Variants in DMD observed in about 807,000 individuals in gnomAD.
DMD encodes the protein dystrophin.
Under a neutral mutation model 330.1 loss-of-function variants are expected in DMD, and 63 were observed. The observed-to-expected ratio is 0.19, with a 90% confidence interval of 0.16 to 0.24. The LOEUF (loss-of-function observed/expected upper bound fraction) is 0.24, where lower values mean the gene tolerates loss of function less well. DMD is among the 10% of genes least tolerant of loss of function. DMD has a pLI of 1.00. For synonymous variants in DMD, 1,223 were observed against 959.8 expected (o/e 1.27, Z -5.07); for missense variants, 3,344 against 2,684.1 (o/e 1.25, Z -5.43).
At chrX:32,582,502 GA>G (rs2149192332) in intron 13 of DMD, among the ~76,000 whole-genome samples, 1 of 111,635 alleles carries the variant, frequency 9.0e-6, no homozygotes, top group South Asian at 3.7e-4. Flanking sequence ...CTAACTAAAT[GA>G]AAGGATTGAA....
At chrX:31,658,283 T>C (rs1470651853) in intron 53 of DMD, 139 bp from the exon 54 acceptor site, 2 of 693,194 alleles carry the variant, frequency 2.9e-6, no homozygotes, top group Non-Finnish European at 2.2e-6. Flanking sequence ...TAACCTACCA[T>C]ATGATTTAGT....
intron 30 of DMD, among the ~76,000 whole-genome samples, chrX:32,400,504 T>A (rs1383260535): frequency 9.0e-6 from 1 of 111,489 alleles, no homozygotes; most frequent in Non-Finnish European, 1.9e-5. Context: ...CCTCTTTTTC[T>A]ATGGATTGGA....
intron 37 of DMD, among the ~76,000 whole-genome samples, chrX:32,351,282 A>G (rs1193293513): frequency 9.0e-6 from 1 of 110,751 alleles, no homozygotes; most frequent in African/African-American, 3.3e-5. Context: ...ATGGTTTTAA[A>G]GGATAAAATA....
intron 34 of DMD, among the ~76,000 whole-genome samples, chrX:32,367,830 G>C (rs2097859654): frequency 8.9e-6 from 1 of 111,789 alleles, no homozygotes; most frequent in Non-Finnish European, 1.9e-5. Context: ...TTATCAACTT[G>C]TATTTGAAAA....
chrX:31,910,476 A>G lies in DMD; in HGVS notation c.6912+19120T>C, dbSNP rs112429146. On this transcript the variant is annotated intron_variant, in intron 47 of 78. Transcript: ENST00000357033. ...TCTTTAACTCTCCCAAGGAGTGGGG[A>G]GGACTTCAAAACAGGAATCAGTTAA... Among the ~76,000 whole-genome samples the G allele has an allele frequency of 7.4e-3, 828 of 112,393 alleles. 3 individuals are homozygous for G. Among genetic ancestry groups the G allele is most frequent in the African/African-American group, 0.025 (775 of 30,941 alleles).
intron 2 of DMD, among the ~76,000 whole-genome samples, chrX:32,852,968 T>TA (rs1366961491): frequency 1.8e-5 from 2 of 111,784 alleles, no homozygotes; most frequent in Non-Finnish European, 3.8e-5. Flanking sequence ...GACAGGATCC[T>TA]AAAAGCAGCA....
At chrX:31,967,297 G>GGTGTGTGTGTGTGTGT in intron 45 of DMD, among the ~76,000 whole-genome samples, 1 of 74,588 alleles carries the variant, frequency 1.3e-5, no homozygotes, top group Middle Eastern at 8.7e-3. Flanking sequence ...TTTGGCAAGG[G>GGTGTGTGTGTGTGTGT]GTGTGTGTGT....
chrX:32,869,351 G>A (rs989690189), intron 2 of DMD, among the ~76,000 whole-genome samples: 2 of 111,080 alleles, frequency 1.8e-5, no homozygotes, highest in South Asian at 7.6e-4. Context: ...TCTCCTGCAA[G>A]TGATTGCAAC....
rs771600294 is a variant in DMD, at chrX:32,171,974, TAAGATA to T, written c.6438+44936_6438+44941del. Among the ~76,000 whole-genome samples the T allele has an allele frequency of 3.0e-3, 340 of 111,990 alleles. 1 individual carries two copies. The highest frequency in any genetic ancestry group is 0.01 in the African/African-American group (313 of 30,948). The stretch of plus-strand genomic sequence containing the variant: ...GTCATAGAAAAACATTCTTCTCTAT[TAAGATA>T]AAGGACAACTTAATAAATCTAATAT... On this transcript the variant is annotated intron_variant, in intron 44 of 78. Coordinates refer to ENST00000357033, the MANE Select transcript of DMD (RefSeq NM_004006.3).
chrX:32,378,069 A>G (rs16990279), intron 34 of DMD, among the ~76,000 whole-genome samples: 14,897 of 109,970 alleles, frequency 0.14, 872 homozygotes, highest in African/African-American at 0.21. Flanking sequence ...CCTCCCATTT[A>G]TTTTCTTCTG....
chrX:32,568,542 C>T (rs760706950), intron 15 of DMD, among the ~76,000 whole-genome samples: 1 of 109,267 alleles, frequency 9.2e-6, no homozygotes, highest in South Asian at 3.9e-4. Context: ...GAAAAAAGTG[C>T]ACTCAAGGTA....
Position 32,518,011 on chromosome X carries a change from G to A in DMD, c.2289C>T (p.Val763=). 1 of 1,210,257 alleles carries A rather than the reference G, an allele frequency of 8.3e-7. No homozygotes were observed. Among genetic ancestry groups the A allele is most frequent in the Non-Finnish European group, 1.1e-6 (1 of 894,367 alleles). ...EGNFSDLKEK[V]NAIEREKAEK... ...TAAAAATTAATGCATAACCTACATT[G>A]ACTTTTTCTTTTAAGTCTGAGAAGT... Residue 763 remains valine, a synonymous_variant, in exon 18 of 79, where the codon GTC becomes GTT. Transcript: ENST00000357033.
chrX:31,919,090 C>T (rs1426493240), intron 47 of DMD, among the ~76,000 whole-genome samples: 1 of 111,546 alleles, frequency 9.0e-6, no homozygotes, highest in Non-Finnish European at 1.9e-5. Flanking sequence ...CTATATAGCA[C>T]CTGAATATTA....
intron 51 of DMD, among the ~76,000 whole-genome samples, chrX:31,747,013 T>G (rs894689541): frequency 8.9e-6 from 1 of 111,778 alleles, no homozygotes; most frequent in Non-Finnish European, 1.9e-5. Context: ...AATCTATTTC[T>G]TCTCAGAACT....
chrX:32,169,785 G>C (rs2096880804), intron 44 of DMD, among the ~76,000 whole-genome samples: 1 of 111,584 alleles, frequency 9.0e-6, no homozygotes, highest in African/African-American at 3.3e-5. Flanking sequence ...GAGGAAAGAT[G>C]GGGGTCATTT....
chrX:31,484,240 A>G (rs2068615824), intron 57 of DMD, among the ~76,000 whole-genome samples: 2 of 112,163 alleles, frequency 1.8e-5, no homozygotes, highest in South Asian at 7.4e-4. Flanking sequence ...ATATACTCAT[A>G]TATACTGATT....
At chrX:31,230,568 G>A (rs932171936) in intron 63 of DMD, among the ~76,000 whole-genome samples, 1 of 110,021 alleles carries the variant, frequency 9.1e-6, no homozygotes, top group Admixed American at 9.7e-5. Flanking sequence ...ATAATTGCTT[G>A]AACCCAGGAG....
At chrX:32,740,841 C>T (rs1017556838) in intron 7 of DMD, among the ~76,000 whole-genome samples, 1 of 111,292 alleles carries the variant, frequency 9.0e-6, no homozygotes, top group African/African-American at 3.3e-5. Flanking sequence ...CCAAGGTTGG[C>T]ATTGAATTCT....
At chrX:33,074,726 A>G (rs747385436) in intron 1 of DMD, among the ~76,000 whole-genome samples, 1 of 111,319 alleles carries the variant, frequency 9.0e-6, no homozygotes, top group Non-Finnish European at 1.9e-5. Context: ...CCCTGTAGAG[A>G]GTTCCCACCA....
Sources: gnomAD v4.1 joint callset for allele counts (sites outside exome capture counted in the v4.1 genomes callset) on GRCh38, gnomAD v4.1.1 for gene constraint, MANE v1.5 for transcripts, NCBI Gene and HGNC (gene_info 2026-07-23, HGNC 2026-07-21) for gene names.